The following MEIS1 variants were observed in gnomAD, a reference collection of about 807,000 sequenced individuals.
MEIS1 encodes Meis homeobox 1.
MEIS1 carries 5 observed loss-of-function variants against 50.8 expected under a neutral mutation model. That is an observed-to-expected ratio of 0.10 (90% CI 0.05 to 0.21). MEIS1 has a LOEUF of 0.21. Ranked by LOEUF, MEIS1 falls within the 10% of genes least tolerant of loss-of-function variation. MEIS1 has a pLI of 1.00. For synonymous variants in MEIS1, 176 were observed against 179.3 expected, an observed-to-expected ratio of 0.98 and a Z score of 0.15; for missense variants, 318 against 517.3, an observed-to-expected ratio of 0.61 and a Z score of 3.74.
intron 9 of MEIS1, among the ~76,000 whole-genome samples, chr2:66,550,571 C>T (rs924790791): frequency 6.6e-6 from 1 of 151,998 alleles, no homozygotes; most frequent in African/African-American, 2.4e-5. Flanking sequence ...GAACATGGCT[C>T]ACTGCAACCT....
At chr2:66,549,935 A>G (rs529185702) in intron 9 of MEIS1, among the ~76,000 whole-genome samples, 2 of 152,150 alleles carry the variant, frequency 1.3e-5, no homozygotes, top group Non-Finnish European at 2.9e-5. Flanking sequence ...TTCAAGCAAT[A>G]TATATATACA....
chr2:66,530,327 A>G (rs1036108774), intron 8 of MEIS1, among the ~76,000 whole-genome samples: 2 of 152,226 alleles, frequency 1.3e-5, no homozygotes, highest in Non-Finnish European at 2.9e-5. Flanking sequence ...ACATTTCATA[A>G]TCAATCTGTT....
chr2:66,558,687 A>T (rs1177942527), intron 9 of MEIS1, among the ~76,000 whole-genome samples: 1 of 152,182 alleles, frequency 6.6e-6, no homozygotes, highest in African/African-American at 2.4e-5. Flanking sequence ...GGAACTAGAA[A>T]TCAAGCTAAA....
At position 66,451,929 on chromosome 2, in the gene MEIS1, G is replaced by A. The variant is rs58734441; in HGVS notation, c.630+8881G>A. On this transcript the variant is annotated intron_variant, in intron 6 of 12. Coordinates refer to ENST00000272369, the MANE Select transcript of MEIS1 (RefSeq NM_002398.3). ...AATATTAAAATTTTTCTTCCTGAAG[G>A]AAAAAAAAAGCTCTGTGTTTCATAC... 8.9e-3 allele frequency among the ~76,000 whole-genome samples: 1,324 copies of A among 149,296 alleles called. 16 individuals are homozygous for A. Among genetic ancestry groups the A allele is most frequent in the African/African-American group, 0.031 (1,274 of 40,818 alleles).
At chr2:66,511,249 T>A (rs1188752368) in intron 7 of MEIS1, among the ~76,000 whole-genome samples, 1 of 152,202 alleles carries the variant, frequency 6.6e-6, no homozygotes, top group African/African-American at 2.4e-5. Flanking sequence ...TTATTTTTTC[T>A]TATTAAACAT....
chr2:66,504,728 C>T (rs549049129), intron 7 of MEIS1, among the ~76,000 whole-genome samples: 6 of 152,252 alleles, frequency 3.9e-5, no homozygotes, highest in African/African-American at 1.4e-4. Context: ...CCATCTTTTC[C>T]GTCATTGCCA....
At chr2:66,511,876 C>A (rs1276095825) in intron 7 of MEIS1, among the ~76,000 whole-genome samples, 1 of 152,142 alleles carries the variant, frequency 6.6e-6, no homozygotes, top group Non-Finnish European at 1.5e-5. Context: ...ATTACCATAG[C>A]AACAAAGCCA....
intron 3 of MEIS1, 21 bp from the exon 4 acceptor site, chr2:66,440,541 C>G: frequency 6.2e-7 from 1 of 1,607,900 alleles, no homozygotes; most frequent in South Asian, 1.1e-5. Context: ...CCTCTCCCCT[C>G]TCCTTCTCAC....
chr2:66,516,577 T>TTGTGTGTG (rs59154318), intron 8 of MEIS1, among the ~76,000 whole-genome samples: 2 of 148,240 alleles, frequency 1.3e-5, no homozygotes, highest in African/African-American at 2.5e-5. Context: ...CCTGGAAAAT[T>TTGTGTGTG]TGTGTGTGTG....
rs376189914 is a variant in MEIS1, at chr2:66,555,314, T to G, written c.965+7295T>G. Among the ~76,000 whole-genome samples, 146 of 73,340 alleles carry G rather than the reference T, an allele frequency of 2.0e-3. No homozygotes were observed. In the Middle Eastern group the frequency reaches 0.025, roughly 12 times the overall value. 48.1% of individuals were successfully genotyped at this position (73,340 alleles called of 152,430 possible). On this transcript the variant is annotated intron_variant, in intron 9 of 12. Coordinates refer to ENST00000272369, the MANE Select transcript of MEIS1 (RefSeq NM_002398.3). ...CCACCCCCCAAACCCCCCTCCCTCT[T>G]TCATTTGGCTCCACTCCAAGCATAC...
At chr2:66,558,043 G>C (rs1175831111) in intron 9 of MEIS1, among the ~76,000 whole-genome samples, 1 of 152,084 alleles carries the variant, frequency 6.6e-6, no homozygotes. Flanking sequence ...ATTTTGGGAG[G>C]CCGAGGGAGG....
intron 7 of MEIS1, among the ~76,000 whole-genome samples, chr2:66,473,308 G>A (rs1037336856): frequency 4.1e-5 from 6 of 147,736 alleles, no homozygotes; most frequent in African/African-American, 1.5e-4. Context: ...AATCTGGAAG[G>A]CAGAGGTTGC....
intron 8 of MEIS1, among the ~76,000 whole-genome samples, chr2:66,515,871 G>T (rs1017399890): frequency 2.0e-5 from 3 of 152,202 alleles, no homozygotes; most frequent in Admixed American, 6.5e-5. Context: ...ATTAAAACGT[G>T]CTTAATATTT....
At chr2:66,448,727 C>G (rs1394658042) in intron 6 of MEIS1, among the ~76,000 whole-genome samples, 1 of 151,990 alleles carries the variant, frequency 6.6e-6, no homozygotes, top group South Asian at 2.1e-4. Flanking sequence ...AGTATGTATA[C>G]AAAAACTTTT....
At chr2:66,467,150 T>C (rs1207738188) in intron 7 of MEIS1, among the ~76,000 whole-genome samples, 1 of 152,172 alleles carries the variant, frequency 6.6e-6, no homozygotes, top group Non-Finnish European at 1.5e-5. Flanking sequence ...AGATTTTAAA[T>C]GTTCTAAGAT....
chr2:66,512,349 T>C, intron 8 of MEIS1, 55 bp downstream of exon 8: 1 of 1,529,284 alleles, frequency 6.5e-7, no homozygotes, highest in Non-Finnish European at 8.8e-7. Flanking sequence ...GAACCAGTTT[T>C]TATACAAAAA....
intron 1 of MEIS1, chr2:66,436,906 A>C: frequency 3.1e-6 from 3 of 974,660 alleles, no homozygotes; most frequent in Non-Finnish European, 3.6e-6. Flanking sequence ...AGGAAGATGG[A>C]AAGTTGTGCA....
At chr2:66,438,842 T>A (rs116619273) in intron 2 of MEIS1, among the ~76,000 whole-genome samples, 2,465 of 150,710 alleles carry the variant, frequency 0.016, 59 homozygotes, top group African/African-American at 0.055. Context: ...GAAAAAAAAA[T>A]ATATATAATC....
rs1572915241 is a variant in MEIS1, at chr2:66,573,478, A to C, written c.*2270A>C. ...AAACTCAAGTCTGACATTCAGGCCC[A>C]AGTCACCCTATAAACCGGCCCTTAG... On this transcript the variant is annotated 3_prime_UTR_variant, in exon 13 of 13. Transcript: ENST00000272369. 1 of 152,338 alleles carries C rather than the reference A, an allele frequency of 6.6e-6. No homozygotes were observed. The highest frequency in any genetic ancestry group is 6.5e-5 in the Admixed American group (1 of 15,302). The allele number at this position is 152,338 out of a possible 1,614,324, so 9.4% of individuals were successfully genotyped here.
Sources: allele counts gnomAD v4.1 joint callset (sites outside exome capture counted in the v4.1 genomes callset), GRCh38; gene constraint gnomAD v4.1.1; transcripts MANE v1.5; gene names NCBI Gene and HGNC (gene_info 2026-07-23, HGNC 2026-07-21).